LY86: variants seen among roughly 807,000 people sequenced by gnomAD.
LY86 encodes lymphocyte antigen 86, also known as MD-1, RP105-associated.
Under a neutral mutation model 17.3 loss-of-function variants are expected in LY86, and 20 were observed. The observed-to-expected ratio is 1.15, with a 90% CI of 0.81 to 1.68. The LOEUF is 1.68. Among genes scored for constraint, LY86 ranks in the 40% most tolerant of loss-of-function variants. The pLI is 0.00. For synonymous variants in LY86, 74 were observed against 70.6 expected, an observed-to-expected ratio of 1.05 and a Z score of -0.24; for missense variants, 200 against 191.9, an observed-to-expected ratio of 1.04 and a Z score of -0.25.
chr6:6,630,588 A>G (rs1761883758), intron 3 of LY86, among the ~76,000 whole-genome samples: 1 of 152,234 alleles, frequency 6.6e-6, no homozygotes, highest in Admixed American at 6.5e-5. Context: ...GACCACAACT[A>G]ATTCCTAGCC....
chr6:6,590,154 CACAT>C (rs1259236463), intron 1 of LY86, among the ~76,000 whole-genome samples: 1 of 148,816 alleles, frequency 6.7e-6, no homozygotes, highest in Non-Finnish European at 1.5e-5. Context: ...ACCCTATCTC[CACAT>C]ACAGTCACAT....
At chr6:6,610,888 T>C (rs1761315054) in intron 1 of LY86, among the ~76,000 whole-genome samples, 1 of 152,182 alleles carries the variant, frequency 6.6e-6, no homozygotes, top group Non-Finnish European at 1.5e-5. Context: ...TGGAAACTCT[T>C]TCTGACCCCA....
At chr6:6,634,601 G>A (rs368969561) in intron 3 of LY86, among the ~76,000 whole-genome samples, 2 of 152,154 alleles carry the variant, frequency 1.3e-5, no homozygotes, top group Non-Finnish European at 2.9e-5. Flanking sequence ...TTTTCATTAC[G>A]TTTCTTAATT....
At chr6:6,650,224 G>A (rs1315651306) in intron 4 of LY86, among the ~76,000 whole-genome samples, 1 of 152,164 alleles carries the variant, frequency 6.6e-6, no homozygotes, top group African/African-American at 2.4e-5. Flanking sequence ...ACAGCTAAGA[G>A]TAGAATTTTC....
At chr6:6,605,515 G>C (rs1271026593) in intron 1 of LY86, among the ~76,000 whole-genome samples, 2 of 152,228 alleles carry the variant, frequency 1.3e-5, no homozygotes, top group Non-Finnish European at 2.9e-5. Flanking sequence ...TGCCATGGGG[G>C]GTCTCCCCAC....
intron 1 of LY86, among the ~76,000 whole-genome samples, chr6:6,606,858 C>T (rs1454977200): frequency 3.3e-5 from 5 of 152,280 alleles, no homozygotes; most frequent in Non-Finnish European, 5.9e-5. Flanking sequence ...TTGGCCAGCC[C>T]AGAAAGGGGC....
At chr6:6,610,886 CTT>C (rs780553660) in intron 1 of LY86, among the ~76,000 whole-genome samples, 4 of 152,288 alleles carry the variant, frequency 2.6e-5, no homozygotes, top group South Asian at 4.1e-4. Flanking sequence ...GGTGGAAACT[CTT>C]TCTGACCCCA....
chr6:6,599,535 A>T (rs560713906), intron 1 of LY86, among the ~76,000 whole-genome samples: 8 of 152,012 alleles, frequency 5.3e-5, no homozygotes, highest in Non-Finnish European at 8.8e-5. Context: ...AGGCTGACTG[A>T]CTGGTTTTTG....
intron 1 of LY86, among the ~76,000 whole-genome samples, chr6:6,604,785 T>A (rs1455015103): frequency 6.8e-6 from 1 of 147,462 alleles, no homozygotes; most frequent in Admixed American, 6.8e-5. Flanking sequence ...CAGAGATTCG[T>A]AAAAGAAATT....
chr6:6,640,522 C>T (rs137952078), intron 3 of LY86, among the ~76,000 whole-genome samples: 1 of 152,022 alleles, frequency 6.6e-6, no homozygotes, highest in East Asian at 1.9e-4. Context: ...GAGTTTGAGA[C>T]CAGACTGGGC....
chr6:6,616,882 C>G (rs1016808449), intron 1 of LY86, among the ~76,000 whole-genome samples: 3 of 152,340 alleles, frequency 2.0e-5, no homozygotes, highest in Non-Finnish European at 2.9e-5. Flanking sequence ...CAGACAAATG[C>G]GTAAGAACCG....
intron 1 of LY86, among the ~76,000 whole-genome samples, chr6:6,605,739 A>G (rs1469376890): frequency 6.6e-6 from 1 of 152,228 alleles, no homozygotes; most frequent in African/African-American, 2.4e-5. Context: ...AGTTCTTAAA[A>G]GGCAGTGTGT....
At chr6:6,612,689 G>A (rs1475336997) in intron 1 of LY86, among the ~76,000 whole-genome samples, 1 of 152,190 alleles carries the variant, frequency 6.6e-6, no homozygotes, top group Non-Finnish European at 1.5e-5. Flanking sequence ...TTTTGACAGG[G>A]TGCTGATTGG....
intron 1 of LY86, among the ~76,000 whole-genome samples, chr6:6,602,333 C>G (rs1760934762): frequency 6.6e-6 from 1 of 152,218 alleles, no homozygotes; most frequent in Non-Finnish European, 1.5e-5. Flanking sequence ...AGACCCAAAT[C>G]TATTAAAAAT....
chr6:6,600,458 G>A (rs1760864726), intron 1 of LY86, among the ~76,000 whole-genome samples: 1 of 151,802 alleles, frequency 6.6e-6, no homozygotes, highest in African/African-American at 2.4e-5. Context: ...AGGTGTGGTG[G>A]TGGACGCCTG....
chr6:6,612,084 TGAG>T (rs1426806296), intron 1 of LY86, among the ~76,000 whole-genome samples: 3 of 152,170 alleles, frequency 2.0e-5, no homozygotes, highest in Non-Finnish European at 2.9e-5. Context: ...TAGCAAGATT[TGAG>T]AAGATCCAAA....
intron 3 of LY86, among the ~76,000 whole-genome samples, chr6:6,647,094 G>A (rs1480207162): frequency 6.6e-6 from 1 of 152,172 alleles, no homozygotes; most frequent in Admixed American, 6.5e-5. Context: ...AAAGTAATCA[G>A]TCAGGAGCCC....
chr6:6,635,349 C>T (rs1761945672), intron 3 of LY86, among the ~76,000 whole-genome samples: 1 of 152,136 alleles, frequency 6.6e-6, no homozygotes, highest in African/African-American at 2.4e-5. Flanking sequence ...ACAATAACAA[C>T]TAATAAAATA....
intron 1 of LY86, among the ~76,000 whole-genome samples, chr6:6,603,615 C>CAAAAAAAAAAAAAAAAAAAAAA (rs1221531073): frequency 8.8e-6 from 1 of 114,176 alleles, no homozygotes; most frequent in African/African-American, 3.4e-5. Flanking sequence ...GAAAAAAAAA[C>CAAAAAAAAAAAAAAAAAAAAAA]AAACAAAAAA....
Sources: allele counts gnomAD v4.1 joint callset (sites outside exome capture counted in the v4.1 genomes callset), GRCh38; gene constraint gnomAD v4.1.1; transcripts MANE v1.5; gene names NCBI Gene and HGNC (gene_info 2026-07-23, HGNC 2026-07-21).